The following LRP1B variants were observed in gnomAD, a reference collection of about 807,000 sequenced individuals.
The protein encoded by LRP1B is LDL receptor related protein 1B.
In LRP1B, 217 loss-of-function variants were observed where a neutral mutation model predicts 556.6. That is an observed-to-expected ratio of 0.39 (90% CI 0.35 to 0.44). The LOEUF (loss-of-function observed/expected upper bound fraction) is 0.44. Among genes scored for constraint, LRP1B ranks in the 20% least tolerant of loss-of-function variants. The pLI is 1.00. For missense variants in LRP1B, 5,053 were observed against 5,620.8 expected (o/e 0.90, Z 3.23); for synonymous variants, 2,047 against 1,865.8 (o/e 1.10, Z -2.50).
chr2:140,739,461 G>C (rs1411764968), intron 35 of LRP1B, among the ~76,000 whole-genome samples: 1 of 152,106 alleles, frequency 6.6e-6, no homozygotes, highest in Non-Finnish European at 1.5e-5. Flanking sequence ...GTTCTGTAGT[G>C]TAAGAAATTC....
chr2:141,581,883 G>A (rs1188463094), intron 2 of LRP1B, among the ~76,000 whole-genome samples: 1 of 152,214 alleles, frequency 6.6e-6, no homozygotes. Context: ...AGCAATTGCT[G>A]TTTTACTTTT....
chr2:140,276,419 G>A (rs941173051), intron 84 of LRP1B, among the ~76,000 whole-genome samples: 7 of 151,950 alleles, frequency 4.6e-5, no homozygotes, highest in Non-Finnish European at 1.0e-4. Context: ...CAAAAGGTAA[G>A]AGAGTTGGAG....
chr2:140,316,933 T>C (rs1028210192), intron 82 of LRP1B, among the ~76,000 whole-genome samples: 1 of 152,084 alleles, frequency 6.6e-6, no homozygotes, highest in Non-Finnish European at 1.5e-5. Flanking sequence ...GCGATTGATA[T>C]GTTCATTTGT....
chr2:141,032,826 C>CATACATACATACATACATACATACAT, intron 11 of LRP1B, among the ~76,000 whole-genome samples: 3 of 126,614 alleles, frequency 2.4e-5, no homozygotes, highest in Admixed American at 7.8e-5. Flanking sequence ...TATATACATA[C>CATACATACATACATACATACATACAT]ATATATATAT....
intron 1 of LRP1B, among the ~76,000 whole-genome samples, chr2:142,109,858 G>C (rs781734017): frequency 1.3e-5 from 2 of 152,078 alleles, no homozygotes; most frequent in Non-Finnish European, 1.5e-5. Context: ...CAATGAGGAG[G>C]AAAATAATAC....
At chr2:141,731,183 AAG>A (rs1280842612) in intron 2 of LRP1B, among the ~76,000 whole-genome samples, 1 of 152,142 alleles carries the variant, frequency 6.6e-6, no homozygotes, top group Non-Finnish European at 1.5e-5. Context: ...GTTTTTAAAC[AAG>A]AGAGGACTTC....
chr2:140,664,283 T>C (rs988894820), intron 41 of LRP1B, among the ~76,000 whole-genome samples: 3 of 152,154 alleles, frequency 2.0e-5, no homozygotes, highest in African/African-American at 4.8e-5. Flanking sequence ...CAATGCAAGA[T>C]TGCCATGACC....
chr2:142,025,579 G>T lies in LRP1B; in HGVS notation c.82+105069C>A, dbSNP rs555153693. Among the ~76,000 whole-genome samples the T allele has an allele frequency of 9.2e-5, 14 of 152,212 alleles. No homozygotes were observed. The South Asian group carries it at 1.2e-3, about 14-fold the overall frequency. On this transcript the variant is annotated intron_variant, in intron 1 of 90. Transcript: ENST00000389484. ...TCAAGTGCTATGTCAGCAAATAACA[G>T]AACAATTAACTCTGCCCAGAGGATC...
intron 2 of LRP1B, among the ~76,000 whole-genome samples, chr2:141,773,160 G>A (rs1357374672): frequency 2.0e-5 from 3 of 152,114 alleles, no homozygotes; most frequent in Admixed American, 2.0e-4. Context: ...TCTTCTATGT[G>A]TTTAACTGTC....
intron 23 of LRP1B, among the ~76,000 whole-genome samples, chr2:140,893,219 G>T (rs901373010): frequency 1.3e-5 from 2 of 152,098 alleles, no homozygotes; most frequent in Admixed American, 1.3e-4. Flanking sequence ...AAAAGAGAAA[G>T]GGTCCAACTA....
intron 7 of LRP1B, among the ~76,000 whole-genome samples, chr2:141,066,144 A>G (rs954604012): frequency 1.3e-5 from 2 of 152,004 alleles, no homozygotes; most frequent in Admixed American, 6.6e-5. Flanking sequence ...ATGTTTAACT[A>G]TTAGCTCACA....
Position 142,016,884 on chromosome 2 carries a change from T to TTATATGTATATACACACACA in LRP1B, c.82+113744_82+113763dup, listed in dbSNP as rs1194136748. Reference sequence around the variant, plus strand: ...CACACACATATATGTATATATGTGTTTATATGTATATACACACACATATAT... The same window carrying TTATATGTATATACACACACA: ...CACACACATATATGTATATATGTGTTTATATGTATATACACACACATATATGTATATACACACACATATAT... On this transcript the variant is annotated intron_variant, in intron 1 of 90. Coordinates refer to ENST00000389484, the MANE Select transcript of LRP1B (RefSeq NM_018557.3). Among the ~76,000 whole-genome samples the TTATATGTATATACACACACA allele has an allele frequency of 1.3e-3, 193 of 149,686 alleles. 1 individual carries two copies. The highest frequency in any genetic ancestry group is 3.3e-3 in the Middle Eastern group (1 of 306).
intron 18 of LRP1B, among the ~76,000 whole-genome samples, chr2:140,968,467 TA>T (rs1280264021): frequency 6.7e-6 from 1 of 149,086 alleles, no homozygotes. Flanking sequence ...TTGATCTTTT[TA>T]AAAAAACAAC....
intron 35 of LRP1B, among the ~76,000 whole-genome samples, chr2:140,746,244 C>G (rs1383358730): frequency 2.6e-5 from 4 of 152,014 alleles, no homozygotes; most frequent in East Asian, 3.9e-4. Flanking sequence ...TTTCAATCCC[C>G]CCACATATAA....
intron 18 of LRP1B, among the ~76,000 whole-genome samples, chr2:140,967,478 T>C (rs1696266240): frequency 6.6e-6 from 1 of 152,208 alleles, no homozygotes; most frequent in Non-Finnish European, 1.5e-5. Flanking sequence ...AATCATGTCA[T>C]CTGCAAACAG....
chr2:140,908,921 T>C (rs1694338126), intron 21 of LRP1B, among the ~76,000 whole-genome samples: 1 of 152,188 alleles, frequency 6.6e-6, no homozygotes, highest in African/African-American at 2.4e-5. Context: ...TGCCTCAGCC[T>C]CCCAAGTAAC....
intron 1 of LRP1B, among the ~76,000 whole-genome samples, chr2:142,086,645 A>G (rs958165788): frequency 6.6e-6 from 1 of 151,896 alleles, no homozygotes; most frequent in South Asian, 2.1e-4. Flanking sequence ...ACAAACAAAA[A>G]AAAAACACAA....
intron 41 of LRP1B, among the ~76,000 whole-genome samples, chr2:140,609,486 T>C (rs1682991734): frequency 6.6e-6 from 1 of 152,044 alleles, no homozygotes; most frequent in Non-Finnish European, 1.5e-5. Context: ...CAACCATGAA[T>C]TAATATATCT....
chr2:141,340,400 G>C (rs971812761), intron 3 of LRP1B, among the ~76,000 whole-genome samples: 3 of 151,872 alleles, frequency 2.0e-5, no homozygotes, highest in East Asian at 3.9e-4. Flanking sequence ...GTGAGAAAAG[G>C]GTACATAAAT....
Sources: allele counts gnomAD v4.1 joint callset (sites outside exome capture counted in the v4.1 genomes callset), GRCh38; gene constraint gnomAD v4.1.1; transcripts MANE v1.5; gene names NCBI Gene and HGNC (gene_info 2026-07-23, HGNC 2026-07-21).